The following KDM5A variants were observed in gnomAD, a reference collection of about 807,000 sequenced individuals.
KDM5A encodes the protein lysine-specific demethylase 5A.
Under a neutral mutation model 193.5 loss-of-function variants are expected in KDM5A, and 42 were observed. That is an observed-to-expected ratio of 0.22 (90% CI 0.17 to 0.28). KDM5A has a LOEUF of 0.28. KDM5A is among the 10% of genes least tolerant of loss of function. The probability of loss-of-function intolerance (pLI) is 1.00; values close to 1 mark genes in which losing one functional copy is unlikely to be tolerated. For synonymous variants in KDM5A, 796 were observed against 718.1 expected (o/e 1.11, Z -1.73); for missense variants, 1,692 against 2,055.1 (o/e 0.82, Z 3.42).
At chr12:320,873 T>A in intron 18 of KDM5A, 122 bp downstream of exon 18, 36 of 762,668 alleles carry the variant, frequency 4.7e-5, no homozygotes, top group South Asian at 2.5e-4. Context: ...AATAGCAGCA[T>A]ATATGTGAGA....
At chr12:363,681 C>A (rs1944318861) in intron 4 of KDM5A, among the ~76,000 whole-genome samples, 2 of 151,888 alleles carry the variant, frequency 1.3e-5, no homozygotes, top group Admixed American at 1.3e-4. Flanking sequence ...AAAATTTCTA[C>A]ATTAAAGCAA....
intron 12 of KDM5A, 95 bp from the exon 13 acceptor site, chr12:332,033 C>T: frequency 8.3e-7 from 1 of 1,200,788 alleles, no homozygotes; most frequent in East Asian, 2.6e-5. Context: ...GATGCATTTT[C>T]TAAAACTGAA....
At chr12:310,779 A>G (rs889063005) in intron 21 of KDM5A, 106 bp downstream of exon 21, 2 of 1,232,136 alleles carry the variant, frequency 1.6e-6, no homozygotes, top group Non-Finnish European at 2.4e-6. Flanking sequence ...ATTACCTAGT[A>G]AGAATCACTT....
At chr12:364,965 T>C (rs537753466) in intron 4 of KDM5A, among the ~76,000 whole-genome samples, 27 of 152,064 alleles carry the variant, frequency 1.8e-4, no homozygotes, top group Admixed American at 3.9e-4. Context: ...CTCCATCAAC[T>C]GGTAAATGGA....
At chr12:340,319 C>G (rs1053702039) in intron 10 of KDM5A, among the ~76,000 whole-genome samples, 1 of 152,118 alleles carries the variant, frequency 6.6e-6, no homozygotes, top group Non-Finnish European at 1.5e-5. Flanking sequence ...GAAAGCAAAT[C>G]CATTAGCCCC....
Position 309,865 on chromosome 12 carries a change from C to A in KDM5A, c.3316G>T (p.Asp1106Tyr), listed in dbSNP as rs371591339. Residue 1106 changes from aspartate to tyrosine, a missense_variant, in exon 22 of 28, where the codon GAC becomes TAC. By Grantham distance (160) the Asp-to-Tyr change is radical (BLOSUM62 -3). Transcript: ENST00000399788. ...TCCAGATCACTCAGAGGCTCCAGGT[C>A]CAGATCCTTTTCTTTTTCTTTTTCT... Reference protein sequence around the residue: ...LIEKEKEKDLDLEPLSDLEEG... With the variant: ...LIEKEKEKDLYLEPLSDLEEG... The A allele has an allele frequency of 4.3e-6, 7 of 1,613,930 alleles. No individual in the cohort carries two copies. Among genetic ancestry groups the A allele is most frequent in the South Asian group, 1.1e-5 (1 of 90,992 alleles).
intron 3 of KDM5A, among the ~76,000 whole-genome samples, chr12:381,221 C>T (rs1944569323): frequency 1.3e-5 from 2 of 152,000 alleles, no homozygotes; most frequent in South Asian, 2.1e-4. Context: ...CTCGAACTCC[C>T]GACCTCAAGT....
At chr12:319,450 T>C (rs1016167555) in intron 18 of KDM5A, among the ~76,000 whole-genome samples, 1 of 152,012 alleles carries the variant, frequency 6.6e-6, no homozygotes, top group African/African-American at 2.4e-5. Context: ...AATCAAGGAG[T>C]TTGATTCACT....
chr12:372,763 C>T (rs1944446083), intron 3 of KDM5A, among the ~76,000 whole-genome samples: 1 of 152,094 alleles, frequency 6.6e-6, no homozygotes, highest in South Asian at 2.1e-4. Context: ...TGACATACGT[C>T]CCATCAATAC....
At position 283,483 on chromosome 12, in the gene KDM5A, T is replaced by C. The variant is rs1943179961; in HGVS notation, c.*1973A>G. The C allele has an allele frequency of 4.3e-6, 1 of 232,998 alleles. No homozygotes were observed. Among genetic ancestry groups the C allele is most frequent in the Admixed American group, 5.6e-5 (1 of 17,782 alleles). The allele number at this position is 232,998 out of a possible 1,614,324, so 14.4% of individuals were successfully genotyped here. Reference sequence around the variant, plus strand: ...AATGTTATACAGTATTAAGAATGAATAAAAAGTAGGTAGTATGAACTTCAG... The same window carrying C: ...AATGTTATACAGTATTAAGAATGAACAAAAAGTAGGTAGTATGAACTTCAG... On this transcript the variant is annotated 3_prime_UTR_variant, in exon 28 of 28. Transcript: ENST00000399788.
chr12:318,506 A>G, intron 18 of KDM5A, 45 bp from the exon 19 acceptor site: 6 of 1,434,492 alleles, frequency 4.2e-6, no homozygotes, highest in Non-Finnish European at 5.9e-6. Context: ...CAAATTTAAA[A>G]CATACAAAAG....
At position 292,893 on chromosome 12, in the gene KDM5A, C is replaced by G. The variant is rs1943315965; in HGVS notation, c.4732G>C (p.Glu1578Gln). Residue 1578 changes from glutamate to glutamine, a missense_variant, in exon 27 of 28, where the codon GAG (glutamate) becomes CAG (glutamine). By Grantham distance (29) the Glu-to-Gln change is conservative (BLOSUM62 2). Coordinates refer to ENST00000399788, the MANE Select transcript of KDM5A (RefSeq NM_001042603.3). ...AAAAKVELVK[E>Q]STEKKREKKV... ...TTCTCTCTTTTCTTTTCAGTGCTCT[C>G]TTTCACAAGTTCAACTTTGGCTGCA... is the stretch of plus-strand genomic sequence containing the variant. 1 of 1,614,072 alleles carries G rather than the reference C, an allele frequency of 6.2e-7. No homozygotes were observed. The highest frequency in any genetic ancestry group is 1.1e-5 in the South Asian group (1 of 91,094).
intron 12 of KDM5A, chr12:333,286 G>A (rs1430446351): frequency 6.6e-6 from 4 of 609,612 alleles, no homozygotes; most frequent in Non-Finnish European, 1.2e-5. Context: ...GGGGGTGGTG[G>A]TGTGCTCCTA....
chr12:361,355 C>G (rs1012016477), intron 5 of KDM5A, among the ~76,000 whole-genome samples: 1 of 151,932 alleles, frequency 6.6e-6, no homozygotes, highest in Non-Finnish European at 1.5e-5. Flanking sequence ...CCACCACGCC[C>G]GGCTAATTTT....
rs765706298 is a variant in KDM5A at position 322,461 on chromosome 12, A to C, written c.2382T>G (p.Cys794Trp). Reference sequence around the variant, plus strand: ...TCAGAAGCAGCTGAGCCACAGAAGCACAGGTCTCAGCTTCTTTTACAGCAT... The same window carrying C: ...TCAGAAGCAGCTGAGCCACAGAAGCCCAGGTCTCAGCTTCTTTTACAGCAT... The part of the protein sequence containing the change: ...LRDAVKEAET[C>W]ASVAQLLLSK... Residue 794 changes from cysteine to tryptophan, a missense_variant, in exon 17 of 28, where the codon TGT (cysteine) becomes TGG (tryptophan). Cys to Trp is a radical substitution (Grantham distance 215, BLOSUM62 -2). Coordinates refer to ENST00000399788, the MANE Select transcript of KDM5A (RefSeq NM_001042603.3). The C allele has an allele frequency of 2.5e-6, 4 of 1,613,620 alleles. No individual in the cohort carries two copies. The South Asian group carries it at 4.4e-5, about 18-fold the overall frequency.
Position 320,403 on chromosome 12 carries a change from G to A in KDM5A, c.2541+592C>T, listed in dbSNP as rs554027975. Among the ~76,000 whole-genome samples, 24 of 152,246 alleles carry A rather than the reference G, an allele frequency of 1.6e-4. No individual in the cohort carries two copies. The South Asian group carries it at 1.9e-3, about 12-fold the overall frequency. On this transcript the variant is annotated intron_variant, in intron 18 of 27. Coordinates refer to ENST00000399788, the MANE Select transcript of KDM5A (RefSeq NM_001042603.3). ...CCCAGCTACTCGGGAGGCTGAGGCA[G>A]GAGAATCGCTTGAACCCAGGAGGCA...
At chr12:358,406 A>G (rs1403845530) in intron 5 of KDM5A, among the ~76,000 whole-genome samples, 1 of 152,224 alleles carries the variant, frequency 6.6e-6, no homozygotes, top group African/African-American at 2.4e-5. Flanking sequence ...ATTTGGTTAC[A>G]CTAACCAACT....
In KDM5A at chr12:323,748, G is replaced by C. The variant is rs2137412135; in HGVS notation, c.2002C>G (p.Leu668Val). ...CACTGCCGCTCATCATCAGGAACAA[G>C]TTCAAACACTTCTTCTTCTGACATC... ...VLMSEEEVFE[L>V]VPDDERQCSA... Residue 668 changes from leucine to valine, a missense_variant, in exon 15 of 28, where the codon CTT (leucine) becomes GTT (valine). Coordinates refer to ENST00000399788, the MANE Select transcript of KDM5A (RefSeq NM_001042603.3). 1.2e-6 allele frequency: 2 copies of C among 1,613,946 alleles called. No individual in the cohort carries two copies. The highest frequency in any genetic ancestry group is 8.5e-7 in the Non-Finnish European group (1 of 1,179,872).
intron 17 of KDM5A, among the ~76,000 whole-genome samples, chr12:321,310 T>C (rs185165792): frequency 1.3e-5 from 2 of 152,216 alleles, no homozygotes; most frequent in African/African-American, 4.8e-5. Flanking sequence ...AAGTTACAGT[T>C]CCTTCGATCT....
Sources: gnomAD v4.1 joint callset for allele counts (sites outside exome capture counted in the v4.1 genomes callset) on GRCh38, gnomAD v4.1.1 for gene constraint, MANE v1.5 for transcripts, NCBI Gene and HGNC (gene_info 2026-07-23, HGNC 2026-07-21) for gene names.